CA13: variants seen among roughly 807,000 people sequenced by gnomAD.
CA13 encodes the protein carbonic anhydrase 13.
A neutral mutation model predicts 31.5 loss-of-function variants in CA13; 21 were observed. The observed-to-expected ratio is 0.67, with a 90% CI of 0.47 to 0.96. CA13 has a LOEUF of 0.96. Ranked by LOEUF, CA13 falls within the 40% of genes least tolerant of loss-of-function variation. The pLI, the probability that CA13 is intolerant of heterozygous loss-of-function variation, is 0.00. For synonymous variants in CA13, 117 were observed against 111.4 expected (o/e 1.05, Z -0.32); for missense variants, 315 against 318.9 (o/e 0.99, Z 0.09).
intron 6 of CA13, among the ~76,000 whole-genome samples, chr8:85,271,276 G>A (rs576573496): frequency 6.6e-6 from 1 of 152,206 alleles, no homozygotes; most frequent in Admixed American, 6.5e-5. Context: ...CTGAGATACT[G>A]TCACAATCAA....
rs117298703 is a variant in CA13 at position 85,277,875 on chromosome 8, C to T, written c.670-3355C>T. On this transcript the variant is annotated intron_variant, in intron 6 of 6. Transcript: ENST00000321764. ...CAGAGGGTATGTGTCTCCCAGCCAGCTCTCTTCCTGCTTATGCTATCTTGC... is the reference window on the plus strand; with the variant it reads ...CAGAGGGTATGTGTCTCCCAGCCAGTTCTCTTCCTGCTTATGCTATCTTGC... Among the ~76,000 whole-genome samples, 1,431 of 152,294 alleles carry T rather than the reference C, an allele frequency of 9.4e-3. 18 individuals carry two copies. Among genetic ancestry groups the T allele is most frequent in the East Asian group, 0.064 (329 of 5,178 alleles).
rs781432195 is a variant in CA13 at position 85,245,778 on chromosome 8, T to G, written c.-51T>G. Reference sequence around the variant, plus strand: ...TCCCGGGCCCCTCCCCGCTCCCTCCTCTTTCTCGCTGCTCAGTCACATCTT... The same window carrying G: ...TCCCGGGCCCCTCCCCGCTCCCTCCGCTTTCTCGCTGCTCAGTCACATCTT... On this transcript the variant is annotated 5_prime_UTR_variant, in exon 1 of 7. Coordinates refer to ENST00000321764, the MANE Select transcript of CA13 (RefSeq NM_198584.3). 11 of 1,607,402 alleles carry G rather than the reference T, an allele frequency of 6.8e-6. No individual in the cohort carries two copies. In the South Asian group the frequency reaches 1.2e-4, roughly 18 times the overall value.
chr8:85,246,057 T>TGTTGGTGGTGGATGTGAGC (rs1312486010), intron 1 of CA13, among the ~76,000 whole-genome samples, 192 bp downstream of exon 1: 2 of 152,160 alleles, frequency 1.3e-5, no homozygotes, highest in Non-Finnish European at 2.9e-5. Flanking sequence ...GTAGACGGGT[T>TGTTGGTGGTGGATGTGAGC]GTTGGTGGTG....
rs1229232137 is a variant in CA13 at position 85,283,741 on chromosome 8, T to C, written c.*2392T>C. 1 of 152,650 alleles carries C rather than the reference T, an allele frequency of 6.6e-6. No individual in the cohort carries two copies. Among genetic ancestry groups the C allele is most frequent in the Admixed American group, 6.5e-5 (1 of 15,284 alleles). The allele number at this position is 152,650 out of a possible 1,614,324, so 9.5% of individuals were successfully genotyped here. On this transcript the variant is annotated 3_prime_UTR_variant, in exon 7 of 7. Coordinates refer to ENST00000321764, the MANE Select transcript of CA13 (RefSeq NM_198584.3). ...CATGTAGGACAGGGGTTCTAATTAC[T>C]GTCTGTGAGAGTTACTACTTTGTAA...
chr8:85,263,028 A>AAAGCTT (rs1333192663), intron 3 of CA13, among the ~76,000 whole-genome samples: 4 of 152,194 alleles, frequency 2.6e-5, no homozygotes, highest in African/African-American at 9.6e-5. Context: ...GGGCTTAGGA[A>AAAGCTT]AAGCTTCTTT....
intron 3 of CA13, among the ~76,000 whole-genome samples, chr8:85,263,941 C>A (rs1807421309): frequency 6.6e-6 from 1 of 152,002 alleles, no homozygotes; most frequent in Non-Finnish European, 1.5e-5. Flanking sequence ...AGTTCATGAC[C>A]ATCATCAAGT....
At chr8:85,273,976 A>G (rs1018403269) in intron 6 of CA13, among the ~76,000 whole-genome samples, 2 of 151,772 alleles carry the variant, frequency 1.3e-5, no homozygotes, top group East Asian at 4.0e-4. Flanking sequence ...TAACTGCTGC[A>G]TAGTACCCGG....
chr8:85,276,375 CCA>C (rs967056502), intron 6 of CA13, among the ~76,000 whole-genome samples: 1 of 152,246 alleles, frequency 6.6e-6, no homozygotes, highest in African/African-American at 2.4e-5. Flanking sequence ...TCCACGGTGC[CCA>C]GTCACATCGA....
intron 6 of CA13, 140 bp from the exon 7 acceptor site, chr8:85,281,090 A>AT (rs1807696935): frequency 9.9e-7 from 1 of 1,007,032 alleles, no homozygotes; most frequent in Admixed American, 2.4e-5. Context: ...GAGTTGCTTT[A>AT]TTATATATGA....
chr8:85,277,582 G>A (rs1231881286), intron 6 of CA13, among the ~76,000 whole-genome samples: 3 of 152,154 alleles, frequency 2.0e-5, no homozygotes, highest in Non-Finnish European at 2.9e-5. Flanking sequence ...CAGCTCAGAG[G>A]GGCTGCTGTG....
At chr8:85,246,589 T>G (rs551217820) in intron 1 of CA13, 2 of 445,850 alleles carry the variant, frequency 4.5e-6, no homozygotes, top group Non-Finnish European at 4.5e-6. Flanking sequence ...AATGTATTAA[T>G]AGGATAAATA....
At chr8:85,263,705 T>A (rs1394703146) in intron 3 of CA13, among the ~76,000 whole-genome samples, 1 of 152,118 alleles carries the variant, frequency 6.6e-6, no homozygotes, top group East Asian at 1.9e-4. Context: ...CAGAGAGGAA[T>A]TCACTCTCTG....
At chr8:85,259,239 G>A (rs1807344809) in intron 2 of CA13, among the ~76,000 whole-genome samples, 182 bp from the exon 3 acceptor site, 1 of 152,074 alleles carries the variant, frequency 6.6e-6, no homozygotes, top group African/African-American at 2.4e-5. Context: ...TTTTAAAAAT[G>A]TTCTATTTTC....
At chr8:85,251,454 A>G (rs899765296) in intron 2 of CA13, among the ~76,000 whole-genome samples, 1 of 152,238 alleles carries the variant, frequency 6.6e-6, no homozygotes, top group Non-Finnish European at 1.5e-5. Context: ...TTGGAAAAGG[A>G]TATGTTGCAT....
chr8:85,275,171 C>G (rs994104296), intron 6 of CA13, among the ~76,000 whole-genome samples: 1 of 152,114 alleles, frequency 6.6e-6, no homozygotes, highest in Non-Finnish European at 1.5e-5. Context: ...ATTGAGGTAG[C>G]TTAAGTTAGA....
intron 6 of CA13, among the ~76,000 whole-genome samples, chr8:85,277,793 G>A (rs1044650355): frequency 6.6e-6 from 1 of 152,160 alleles, no homozygotes; most frequent in East Asian, 1.9e-4. Context: ...TAAACAGGAA[G>A]TGTCCCAGTC....
At chr8:85,276,134 G>A (rs980608280) in intron 6 of CA13, among the ~76,000 whole-genome samples, 10 of 152,142 alleles carry the variant, frequency 6.6e-5, no homozygotes, top group African/African-American at 2.2e-4. Context: ...GTGGGCGTGG[G>A]CTCGGTGGGT....
chr8:85,254,209 C>T (rs1807245029), intron 2 of CA13, among the ~76,000 whole-genome samples: 1 of 150,370 alleles, frequency 6.7e-6, no homozygotes, highest in Non-Finnish European at 1.5e-5. Context: ...ACCCAGGAGG[C>T]GCAGGTTGCA....
intron 6 of CA13, among the ~76,000 whole-genome samples, chr8:85,275,441 G>A (rs1298595510): frequency 1.3e-5 from 2 of 152,094 alleles, no homozygotes; most frequent in Non-Finnish European, 2.9e-5. Context: ...TGACTCATAC[G>A]GGCTCCCCTG....
Sources: gnomAD v4.1 joint callset for allele counts (sites outside exome capture counted in the v4.1 genomes callset) on GRCh38, gnomAD v4.1.1 for gene constraint, MANE v1.5 for transcripts, NCBI Gene and HGNC (gene_info 2026-07-23, HGNC 2026-07-21) for gene names.